Variants in MYOM1 observed in about 807,000 individuals in gnomAD.
MYOM1 encodes myomesin-1.
MYOM1 carries 164 observed loss-of-function variants against 205.3 expected under a neutral mutation model. The ratio of observed to expected loss-of-function variants is 0.80; its 90% CI spans 0.70 to 0.91. MYOM1 has a LOEUF of 0.91. Among genes scored for constraint, MYOM1 ranks in the 40% least tolerant of loss-of-function variants. MYOM1 has a pLI of 0.00. For synonymous variants in MYOM1, 772 were observed against 789.4 expected, an observed-to-expected ratio of 0.98 and a Z score of 0.37; for missense variants, 2,011 against 2,127.3, an observed-to-expected ratio of 0.95 and a Z score of 1.08.
intron 23 of MYOM1, 28 bp downstream of exon 23, chr18:3,102,446 C>A: frequency 6.4e-7 from 1 of 1,569,946 alleles, no homozygotes; most frequent in Admixed American, 1.8e-5. Context: ...AAAAGGAAAC[C>A]CATGATTGTG....
intron 18 of MYOM1, 28 bp downstream of exon 18, chr18:3,129,204 G>A: frequency 2.5e-6 from 4 of 1,602,764 alleles, no homozygotes; most frequent in Non-Finnish European, 2.6e-6. Context: ...GGAGACGGAT[G>A]GAACAGCTTC....
intron 11 of MYOM1, among the ~76,000 whole-genome samples, chr18:3,154,130 A>G (rs930015505): frequency 6.6e-6 from 1 of 152,104 alleles, no homozygotes; most frequent in Non-Finnish European, 1.5e-5. Flanking sequence ...AAATATTCTT[A>G]AATTATTGAC....
intron 2 of MYOM1, among the ~76,000 whole-genome samples, chr18:3,208,538 A>C (rs1302740887): frequency 2.6e-5 from 4 of 152,056 alleles, no homozygotes; most frequent in Non-Finnish European, 4.4e-5. Flanking sequence ...AAAAAACCAT[A>C]ATGCAACAGC....
intron 37 of MYOM1, among the ~76,000 whole-genome samples, chr18:3,068,875 G>GC (rs764323517): frequency 1.8e-4 from 27 of 152,212 alleles, no homozygotes; most frequent in Middle Eastern, 6.8e-3. Flanking sequence ...TGGGATAAAT[G>GC]CCCAGGGATA....
intron 2 of MYOM1, among the ~76,000 whole-genome samples, chr18:3,211,116 T>C (rs752374655): frequency 2.0e-5 from 3 of 152,234 alleles, no homozygotes; most frequent in Admixed American, 6.5e-5. Context: ...CTATTCATTC[T>C]TGTAAGTTAT....
intron 10 of MYOM1, among the ~76,000 whole-genome samples, chr18:3,162,881 C>G (rs995792388): frequency 1.3e-5 from 2 of 152,004 alleles, no homozygotes; most frequent in African/African-American, 4.8e-5. Flanking sequence ...AAAAAATTAG[C>G]CGGGCATGGT....
rs2079057332 is a variant in MYOM1 at position 3,079,298 on chromosome 18, G to A, written c.4529C>T (p.Thr1510Ile). ...RYSDRVKTGV[T>I]GEQIWLQINE... is the part of the protein sequence containing the mutation. ...GATTTGTAGCCAGATCTGCTCTCCA[G>A]TGACCCCGGTCTTAACTCTGTCTGA... Residue 1510 changes from threonine (T) to isoleucine (I), a missense_variant, in exon 34 of 38, where the codon ACT becomes ATT. Coordinates refer to ENST00000356443, the MANE Select transcript of MYOM1 (RefSeq NM_003803.4). 1 of 1,613,726 alleles carries A rather than the reference G, an allele frequency of 6.2e-7. No homozygotes were observed. Among genetic ancestry groups the A allele is most frequent in the South Asian group, 1.1e-5 (1 of 91,076 alleles).
At chr18:3,134,507 C>T (rs2079923857) in intron 16 of MYOM1, 143 bp downstream of exon 16, 1 of 861,588 alleles carries the variant, frequency 1.2e-6, no homozygotes, top group Admixed American at 3.1e-5. Flanking sequence ...TCCGAAAGTG[C>T]TAGGATTACA....
chr18:3,094,390 AAAAAC>A, intron 25 of MYOM1, 84 bp from the exon 26 acceptor site: 2 of 1,316,552 alleles, frequency 1.5e-6, no homozygotes, highest in Non-Finnish European at 1.0e-6. Context: ...AAAAAAAAAA[AAAAAC>A]CACACAATGG....
At chr18:3,216,574 A>C (rs1309379488) in intron 1 of MYOM1, among the ~76,000 whole-genome samples, 2 of 152,212 alleles carry the variant, frequency 1.3e-5, no homozygotes, top group Non-Finnish European at 2.9e-5. Context: ...AGGAATGAAC[A>C]TGACTATTGT....
intron 2 of MYOM1, among the ~76,000 whole-genome samples, chr18:3,204,138 C>T (rs72861637): frequency 0.18 from 27,189 of 151,874 alleles, 2,516 homozygotes; most frequent in East Asian, 0.22. Context: ...AAAATCTACA[C>T]CTAATGTCAT....
intron 23 of MYOM1, among the ~76,000 whole-genome samples, chr18:3,102,156 C>A (rs984521608): frequency 6.6e-6 from 1 of 151,874 alleles, no homozygotes; most frequent in East Asian, 1.9e-4. Context: ...CACCCACCAC[C>A]ACACCCGGCT....
chr18:3,067,223 C>G lies in MYOM1; in HGVS notation c.*39G>C. On this transcript the variant is annotated 3_prime_UTR_variant, in exon 38 of 38. Coordinates refer to ENST00000356443, the MANE Select transcript of MYOM1 (RefSeq NM_003803.4). ...ATCCTTAACCCAAACCATTCACACCCAAGTCACACAGGCCGGCTGGCTCTC... is the reference window on the plus strand; with the variant it reads ...ATCCTTAACCCAAACCATTCACACCGAAGTCACACAGGCCGGCTGGCTCTC... 1.3e-6 allele frequency: 2 copies of G among 1,545,608 alleles called. No individual in the cohort carries two copies. Among genetic ancestry groups the G allele is most frequent in the South Asian group, 1.2e-5 (1 of 83,750 alleles).
chr18:3,200,551 A>T (rs1250429365), intron 2 of MYOM1, among the ~76,000 whole-genome samples: 3 of 152,216 alleles, frequency 2.0e-5, no homozygotes, highest in African/African-American at 7.2e-5. Flanking sequence ...AAATTATAAA[A>T]TAAAATCAAA....
intron 2 of MYOM1, among the ~76,000 whole-genome samples, chr18:3,200,907 C>T (rs995742461): frequency 6.6e-6 from 1 of 151,982 alleles, no homozygotes; most frequent in African/African-American, 2.4e-5. Context: ...TAGAATAACA[C>T]AGAAAAAGAT....
At chr18:3,076,636 A>G (rs1268352818) in intron 34 of MYOM1, among the ~76,000 whole-genome samples, 2 of 152,198 alleles carry the variant, frequency 1.3e-5, no homozygotes, top group Non-Finnish European at 2.9e-5. Context: ...TGGGACAAGA[A>G]AATGAGATCT....
At chr18:3,128,707 A>C (rs1439240166) in intron 18 of MYOM1, among the ~76,000 whole-genome samples, 2 of 152,050 alleles carry the variant, frequency 1.3e-5, no homozygotes, top group Non-Finnish European at 1.5e-5. Flanking sequence ...TTTTTCACTT[A>C]AAGTATTTAA....
At chr18:3,237,286 G>A in the MYOM1 span, among the ~76,000 whole-genome samples, 20 of 152,262 alleles carry the variant, frequency 1.3e-4, no homozygotes, top group African/African-American at 4.3e-4. Context: ...TACATATCGT[G>A]GAATATCATT....
intron 33 of MYOM1, among the ~76,000 whole-genome samples, chr18:3,081,144 A>AG (rs1393078896): frequency 3.6e-4 from 54 of 151,714 alleles, no homozygotes; most frequent in Non-Finnish European, 5.0e-4. Context: ...AAAAAAAAAA[A>AG]AGAGAGAGAG....
Sources: gnomAD v4.1 joint callset for allele counts (sites outside exome capture counted in the v4.1 genomes callset) on GRCh38, gnomAD v4.1.1 for gene constraint, MANE v1.5 for transcripts, NCBI Gene and HGNC (gene_info 2026-07-23, HGNC 2026-07-21) for gene names.